The following PIGB variants were observed in gnomAD, a reference collection of about 807,000 sequenced individuals.
PIGB encodes the protein phosphatidylinositol glycan anchor biosynthesis class B, also known as GPI alpha-1,2-mannosyltransferase 3.
A neutral mutation model predicts 68.4 loss-of-function variants in PIGB; 58 were observed. That is an observed-to-expected ratio of 0.85 (90% CI 0.69 to 1.06). The LOEUF (loss-of-function observed/expected upper bound fraction) is 1.06. Among genes scored for constraint, PIGB ranks in the 50% least tolerant of loss-of-function variants. The pLI is 0.00. For missense variants in PIGB, 634 were observed against 655.8 expected (o/e 0.97, Z 0.36); for synonymous variants, 219 against 220.5 (o/e 0.99, Z 0.06).
chr15:55,340,914 G>A (rs117439369), intron 8 of PIGB, 91 bp downstream of exon 8: 29,661 of 844,070 alleles, frequency 0.035, 584 homozygotes, highest in Non-Finnish European at 0.041. Flanking sequence ...ATGTTTTGGA[G>A]GTGCCATTAA....
intron 11 of PIGB, 143 bp from the exon 12 acceptor site, chr15:55,355,143 A>G: frequency 2.3e-6 from 2 of 876,350 alleles, no homozygotes; most frequent in Non-Finnish European, 1.7e-6. Context: ...TGTAACTATC[A>G]AAGTATTTTA....
At chr15:55,323,684 T>C (rs1285665179) in intron 3 of PIGB, among the ~76,000 whole-genome samples, 1 of 152,206 alleles carries the variant, frequency 6.6e-6, no homozygotes. Flanking sequence ...CTTAGATATA[T>C]TGGGTTAGAC....
chr15:55,327,857 A>G (rs1444000166), intron 4 of PIGB, among the ~76,000 whole-genome samples: 2 of 152,180 alleles, frequency 1.3e-5, no homozygotes, highest in Non-Finnish European at 2.9e-5. Context: ...CTCAAACCCT[A>G]TGAGAGTCTA....
At chr15:55,341,823 T>A in intron 9 of PIGB, 21 bp downstream of exon 9, 2 of 1,169,846 alleles carry the variant, frequency 1.7e-6, no homozygotes, top group Non-Finnish European at 2.3e-6. Context: ...TTGTTTGTTA[T>A]AGAAAATAAA....
chr15:55,332,000 C>T (rs2055427152), intron 5 of PIGB, among the ~76,000 whole-genome samples: 1 of 151,006 alleles, frequency 6.6e-6, no homozygotes, highest in Middle Eastern at 3.4e-3. Flanking sequence ...TTTTTCGAGA[C>T]AGTGTCTCTC....
rs369399221 is a variant in PIGB, at chr15:55,350,716, C to T, written c.1141C>T (p.Leu381=). The T allele has an allele frequency of 1.9e-6, 3 of 1,612,416 alleles. No individual in the cohort carries two copies. The African/African-American group carries it at 4.0e-5, about 22-fold the overall frequency. The change falls in exon 10 of 12, where the codon CTG becomes TTG. Residue 381 remains leucine, a synonymous_variant. Transcript: ENST00000164305. ...MVFCGYSLTH[L]KTWKKPALSF... ...TCATATAGGATACTCATTAACCCAC[C>T]TGAAAACATGGAAGAAACCAGCTCT...
intron 6 of PIGB, among the ~76,000 whole-genome samples, chr15:55,337,885 A>T (rs996039014): frequency 6.6e-6 from 1 of 152,194 alleles, no homozygotes; most frequent in Non-Finnish European, 1.5e-5. Context: ...CAATCTCACA[A>T]GCACAATGAC....
At chr15:55,340,964 A>G (rs1167200135) in intron 8 of PIGB, 141 bp downstream of exon 8, 20 of 589,030 alleles carry the variant, frequency 3.4e-5, no homozygotes, top group Non-Finnish European at 5.3e-5. Flanking sequence ...TACAAGTAGT[A>G]GTAATTATGG....
chr15:55,325,687 C>CG (rs2055265809), intron 3 of PIGB, among the ~76,000 whole-genome samples: 1 of 152,096 alleles, frequency 6.6e-6, no homozygotes, highest in South Asian at 2.1e-4. Flanking sequence ...GAGGCTGAGG[C>CG]GGGCAGATCA....
chr15:55,333,564 C>T lies in PIGB; in HGVS notation c.654-303C>T, dbSNP rs187096367. Reference sequence around the variant, plus strand: ...TGGCCAACAAGGTGAAACCCCATCTCTACTGAAAATACAAAAAATTAGTCG... The same window carrying T: ...TGGCCAACAAGGTGAAACCCCATCTTTACTGAAAATACAAAAAATTAGTCG... On this transcript the variant is annotated intron_variant, in intron 5 of 11. Coordinates refer to ENST00000164305, the MANE Select transcript of PIGB (RefSeq NM_004855.5). 1.5e-4 allele frequency among the ~76,000 whole-genome samples: 23 copies of T among 152,302 alleles called. No individual in the cohort carries two copies. The East Asian group carries it at 4.4e-3, about 29-fold the overall frequency.
intron 7 of PIGB, chr15:55,340,083 G>C (rs891796594): frequency 6.6e-6 from 1 of 152,046 alleles, no homozygotes; most frequent in Admixed American, 6.6e-5. Context: ...CAAAAATCTA[G>C]TTTTACAAAT....
At chr15:55,343,851 A>C (rs1202272613) in intron 9 of PIGB, among the ~76,000 whole-genome samples, 1 of 152,126 alleles carries the variant, frequency 6.6e-6, no homozygotes, top group African/African-American at 2.4e-5. Context: ...AATTCCTAGG[A>C]GATTTGTACT....
chr15:55,326,652 G>T (rs963475328), intron 3 of PIGB, among the ~76,000 whole-genome samples: 1 of 150,324 alleles, frequency 6.7e-6, no homozygotes, highest in Non-Finnish European at 1.5e-5. Flanking sequence ...GGATCACGAG[G>T]TCAGGAGATC....
chr15:55,340,475 A>AAAATT, intron 7 of PIGB, 137 bp from the exon 8 acceptor site: 1 of 522,956 alleles, frequency 1.9e-6, no homozygotes. Context: ...AAAAAAAAAA[A>AAAATT]ATTATTAATG....
intron 9 of PIGB, chr15:55,349,489 A>C (rs1272846956): frequency 6.6e-6 from 1 of 152,238 alleles, no homozygotes; most frequent in East Asian, 1.9e-4. Flanking sequence ...TAGGTTCCTC[A>C]TTTTACCATT....
intron 10 of PIGB, among the ~76,000 whole-genome samples, chr15:55,352,699 G>C (rs1474462946): frequency 1.3e-5 from 2 of 152,168 alleles, no homozygotes; most frequent in African/African-American, 4.8e-5. Flanking sequence ...GGAGGTTGCA[G>C]TGAGCTGAGG....
rs1357647483 is a variant in PIGB, at chr15:55,321,323, AT to A, written c.351del (p.Leu119Ter). 1 of 1,606,858 alleles carries A rather than the reference AT, an allele frequency of 6.2e-7. No individual in the cohort carries two copies. The highest frequency in any genetic ancestry group is 1.3e-5 in the African/African-American group (1 of 74,730). ...EWTERLRSYT[Y>X]PLIFASIYKI... ...ACAGAGAGACTGAGGAGTTACACTT[AT>A]CCCTTAATCTTTGCAAGCATTTACA... On this transcript the variant is annotated frameshift_variant, in exon 3 of 12. Transcript: ENST00000164305. LOFTEE classifies it high-confidence loss of function.
intron 10 of PIGB, among the ~76,000 whole-genome samples, chr15:55,354,429 T>C (rs1259206168): frequency 6.6e-6 from 1 of 152,178 alleles, no homozygotes; most frequent in Non-Finnish European, 1.5e-5. Context: ...AATACACCTA[T>C]GGAGAATTAC....
At chr15:55,351,074 C>T (rs2055910325) in intron 10 of PIGB, among the ~76,000 whole-genome samples, 162 bp downstream of exon 10, 1 of 151,184 alleles carries the variant, frequency 6.6e-6, no homozygotes, top group Non-Finnish European at 1.5e-5. Flanking sequence ...ACCACTTGAA[C>T]TGTGTCAAAG....
Sources: gnomAD v4.1 joint callset for allele counts (sites outside exome capture counted in the v4.1 genomes callset) on GRCh38, gnomAD v4.1.1 for gene constraint, MANE v1.5 for transcripts, NCBI Gene and HGNC (gene_info 2026-07-23, HGNC 2026-07-21) for gene names.